UHRF2: variants seen among roughly 807,000 people sequenced by gnomAD.
The protein encoded by UHRF2 is ubiquitin like with PHD and ring finger domains 2, also known as E3 ubiquitin-protein ligase UHRF2.
UHRF2 carries 23 observed loss-of-function variants against 96.8 expected under a neutral mutation model. The observed-to-expected ratio is 0.24, with a 90% CI of 0.17 to 0.34. The LOEUF (loss-of-function observed/expected upper bound fraction) is 0.34. Ranked by LOEUF, UHRF2 falls within the 10% of genes least tolerant of loss-of-function variation. The pLI, the probability that UHRF2 is intolerant of heterozygous loss-of-function variation, is 1.00. For synonymous variants in UHRF2, 385 were observed against 332.6 expected (o/e 1.16, Z -1.72); for missense variants, 685 against 981.5 (o/e 0.70, Z 4.04).
intron 4 of UHRF2, among the ~76,000 whole-genome samples, chr9:6,463,793 G>A (rs1232377835): frequency 1.3e-5 from 2 of 151,672 alleles, no homozygotes; most frequent in African/African-American, 4.8e-5. Flanking sequence ...TTTTTTTAAT[G>A]ATTAGAAATC....
intron 15 of UHRF2, among the ~76,000 whole-genome samples, chr9:6,504,902 A>G (rs900240851): frequency 2.6e-4 from 40 of 152,188 alleles, no homozygotes; most frequent in African/African-American, 9.7e-4. Context: ...GAGATATTCT[A>G]TCATGTTTGG....
rs751777723 is a variant in UHRF2, at chr9:6,500,597, C to G, written c.2051C>G (p.Ala684Gly). 6.2e-7 allele frequency: 1 copy of G among 1,613,452 alleles called. No homozygotes were observed. Among genetic ancestry groups the G allele is most frequent in the Admixed American group, 1.7e-5 (1 of 60,000 alleles). ...AAAGTGTACAAAGCATCAGATTCAG[C>G]AGAAGCAATTGAGGCTTTTCAACTA... ...ASKVYKASDS[A>G]EAIEAFQLTP... is the part of the protein sequence containing the mutation. Residue 684 changes from alanine to glycine, a missense_variant, in exon 14 of 16, where the codon GCA becomes GGA. Physicochemically the swap from Ala to Gly is moderately conservative, Grantham distance 60 (BLOSUM62 0). Coordinates refer to ENST00000276893, the MANE Select transcript of UHRF2 (RefSeq NM_152896.3).
chr9:6,501,174 T>C (rs955040295), intron 14 of UHRF2, among the ~76,000 whole-genome samples: 2 of 152,228 alleles, frequency 1.3e-5, no homozygotes, highest in African/African-American at 4.8e-5. Context: ...AATCTTTAAA[T>C]TAATCACATA....
chr9:6,462,915 TAA>T (rs997536526), intron 4 of UHRF2, among the ~76,000 whole-genome samples: 1 of 149,064 alleles, frequency 6.7e-6, no homozygotes. Flanking sequence ...AGACTCTGTC[TAA>T]AAAAAAAGTT....
chr9:6,499,943 T>C lies in UHRF2; in HGVS notation c.2005+12T>C, dbSNP rs1293136192. On this transcript the variant is annotated intron_variant, in intron 13 of 15. Transcript: ENST00000276893. ...GCCAATTTCAGATGGTAGGTAATGA[T>C]TGCAAAATATAAATAATAATAACAT... 5 of 1,570,618 alleles carry C rather than the reference T, an allele frequency of 3.2e-6. No individual in the cohort carries two copies. The highest frequency in any genetic ancestry group is 4.4e-6 in the Non-Finnish European group (5 of 1,145,630).
At chr9:6,431,839 G>T (rs995925519) in intron 2 of UHRF2, among the ~76,000 whole-genome samples, 18 of 152,306 alleles carry the variant, frequency 1.2e-4, no homozygotes, top group South Asian at 4.1e-4. Context: ...TAGTAAGGTT[G>T]ATGATATAGC....
intron 3 of UHRF2, 93 bp from the exon 4 acceptor site, chr9:6,460,480 T>C (rs970892825): frequency 6.6e-6 from 7 of 1,061,080 alleles, no homozygotes; most frequent in Non-Finnish European, 9.5e-6. Flanking sequence ...TTCTCTTAGA[T>C]GATTAACTCA....
intron 4 of UHRF2, among the ~76,000 whole-genome samples, chr9:6,465,221 T>C (rs960337623): frequency 6.6e-6 from 1 of 152,210 alleles, no homozygotes; most frequent in Non-Finnish European, 1.5e-5. Context: ...TATGCTCTCC[T>C]AGATTTGGTT....
In UHRF2 at chr9:6,420,899, C is replaced by A. The variant is rs750161544; in HGVS notation, c.154-13C>A. On this transcript the variant is annotated splice_polypyrimidine_tract_variant and intron_variant, in intron 1 of 15. Coordinates refer to ENST00000276893, the MANE Select transcript of UHRF2 (RefSeq NM_152896.3). ...TTAGAGAAGCATTTCACTATTCTTT[C>A]TTTATTTTCTAGTTGGAAAATGGAT... 10 of 1,593,256 alleles carry A rather than the reference C, an allele frequency of 6.3e-6. No homozygotes were observed. In the South Asian group the frequency reaches 8.8e-5, roughly 14 times the overall value.
chr9:6,470,639 A>G (rs4380997), intron 4 of UHRF2, among the ~76,000 whole-genome samples: 42,335 of 151,826 alleles, frequency 0.28, 8,007 homozygotes, highest in African/African-American at 0.54. Flanking sequence ...ATATACATAG[A>G]AAAAAAATGC....
At chr9:6,445,268 TATTG>T (rs112260837) in intron 3 of UHRF2, among the ~76,000 whole-genome samples, 2,677 of 152,196 alleles carry the variant, frequency 0.018, 76 homozygotes, top group African/African-American at 0.06. Context: ...GTTATTTATG[TATTG>T]ATTGATTGAT....
intron 1 of UHRF2, 159 bp downstream of exon 1, chr9:6,413,802 G>C: frequency 2.1e-6 from 2 of 956,070 alleles, no homozygotes; most frequent in Non-Finnish European, 2.8e-6. Flanking sequence ...GCGGGGCCCA[G>C]TCCCGCCGAA....
In UHRF2 at chr9:6,490,909, T is replaced by C. The variant is rs1173765818; in HGVS notation, c.1498-2917T>C. ...TTTCTATTGTAGGCAAGTATATCTA[T>C]AGGATTAGGAAAAGGAAACCTGAAT... is the stretch of plus-strand genomic sequence containing the variant. On this transcript the variant is annotated intron_variant, in intron 9 of 15. Transcript: ENST00000276893. 3.3e-5 allele frequency among the ~76,000 whole-genome samples: 5 copies of C among 152,216 alleles called. No homozygotes were observed. In the South Asian group the frequency reaches 8.3e-4, roughly 25 times the overall value.
At chr9:6,446,534 GC>G (rs1821516008) in intron 3 of UHRF2, among the ~76,000 whole-genome samples, 1 of 152,070 alleles carries the variant, frequency 6.6e-6, no homozygotes, top group South Asian at 2.1e-4. Flanking sequence ...GTCTGCCTCA[GC>G]CCCGGTCTAC....
intron 4 of UHRF2, among the ~76,000 whole-genome samples, chr9:6,469,028 C>G (rs1195133107): frequency 6.6e-6 from 1 of 150,570 alleles, no homozygotes; most frequent in Non-Finnish European, 1.5e-5. Flanking sequence ...AATCAGAAAA[C>G]AGAAGGAATA....
intron 2 of UHRF2, among the ~76,000 whole-genome samples, chr9:6,428,918 C>T (rs1198205127): frequency 1.3e-5 from 2 of 152,204 alleles, no homozygotes; most frequent in East Asian, 3.9e-4. Context: ...AATCCCAGCA[C>T]TTTGGGAGGT....
intron 2 of UHRF2, among the ~76,000 whole-genome samples, chr9:6,423,361 CA>C (rs1418050787): frequency 6.6e-6 from 1 of 152,070 alleles, no homozygotes; most frequent in Non-Finnish European, 1.5e-5. Flanking sequence ...TAAAACATGA[CA>C]AAAAGCACAT....
intron 2 of UHRF2, among the ~76,000 whole-genome samples, chr9:6,427,951 C>G (rs997508824): frequency 6.6e-6 from 1 of 152,094 alleles, no homozygotes; most frequent in African/African-American, 2.4e-5. Flanking sequence ...GACATTCGAA[C>G]CTAAGTTCGT....
At chr9:6,429,190 T>G (rs1485900776) in intron 2 of UHRF2, among the ~76,000 whole-genome samples, 2 of 151,172 alleles carry the variant, frequency 1.3e-5, no homozygotes, top group Non-Finnish European at 2.9e-5. Flanking sequence ...AGGAAGATGG[T>G]ACAATGAGAG....
Sources: allele counts gnomAD v4.1 joint callset (sites outside exome capture counted in the v4.1 genomes callset), GRCh38; gene constraint gnomAD v4.1.1; transcripts MANE v1.5; gene names NCBI Gene and HGNC (gene_info 2026-07-23, HGNC 2026-07-21).